Variants in ADAMTSL1 observed in about 807,000 individuals in gnomAD.
ADAMTSL1 encodes the protein ADAMTS-like protein 1.
A neutral mutation model predicts 201.8 loss-of-function variants in ADAMTSL1; 126 were observed. The observed-to-expected ratio is 0.62, with a 90% CI of 0.54 to 0.72. ADAMTSL1 has a LOEUF of 0.72. Among genes scored for constraint, ADAMTSL1 ranks in the 30% least tolerant of loss-of-function variants. The pLI is 0.00. For synonymous variants in ADAMTSL1, 1,121 were observed against 903.4 expected, an observed-to-expected ratio of 1.24 and a Z score of -4.32; for missense variants, 2,679 against 2,277.8, an observed-to-expected ratio of 1.18 and a Z score of -3.59.
chr9:18,029,906 G>A lies in ADAMTSL1; in HGVS notation c.87+122984G>A, dbSNP rs866880244. Among the ~76,000 whole-genome samples the A allele has an allele frequency of 9.0e-4, 137 of 151,940 alleles. 1 individual carries two copies. Among genetic ancestry groups the A allele is most frequent in the African/African-American group, 3.0e-3 (125 of 41,526 alleles). ...AAAAAGTCAGGAAACAACAGGTGCT[G>A]GAGAGGATGTGGAGAAATAGGAACA... is the stretch of plus-strand genomic sequence containing the variant. On this transcript the variant is annotated intron_variant, in intron 1 of 29. Coordinates refer to the ADAMTSL1 transcript ENST00000680146.
intron 20 of ADAMTSL1, among the ~76,000 whole-genome samples, chr9:18,812,848 T>C (rs569362130): frequency 6.6e-6 from 1 of 152,238 alleles, no homozygotes; most frequent in African/African-American, 2.4e-5. Flanking sequence ...CATTTCTGAG[T>C]TCTCTATTCT....
At position 18,648,086 on chromosome 9, in the gene ADAMTSL1, A is replaced by G. The variant is rs1169495630; in HGVS notation, c.834+8675A>G. 2.6e-3 allele frequency among the ~76,000 whole-genome samples: 385 copies of G among 145,332 alleles called. 1 individual carries two copies. The highest frequency in any genetic ancestry group is 9.3e-3 in the African/African-American group (366 of 39,210). On this transcript the variant is annotated intron_variant, in intron 7 of 28. Coordinates refer to ENST00000380548, the MANE Select transcript of ADAMTSL1 (RefSeq NM_001040272.6). The stretch of plus-strand genomic sequence containing the variant: ...CTGGGTGCTCCTGTATTGGGTGCAT[A>G]TATATTTAGGATAGTTAGCTCTTCT...
In ADAMTSL1 at chr9:18,777,829, G is replaced by T; in HGVS notation, c.3600G>T (p.Leu1200=). Residue 1200 remains leucine (L), a synonymous_variant, in exon 19 of 29, where the codon CTG becomes CTT. Transcript: ENST00000380548. ...CCAGCGGGACACTGAGTGTTCTTCT[G>T]CACTGTGAGGCCATCGGCCACCCAA... is the stretch of plus-strand genomic sequence containing the variant. The part of the protein sequence containing the change: ...ALASGTLSVL[L]HCEAIGHPRP... 1 of 1,608,068 alleles carries T rather than the reference G, an allele frequency of 6.2e-7. No individual in the cohort carries two copies. The highest frequency in any genetic ancestry group is 8.5e-7 in the Non-Finnish European group (1 of 1,175,410).
At chr9:18,756,115 A>G (rs7860706) in intron 16 of ADAMTSL1, among the ~76,000 whole-genome samples, 8,598 of 93,624 alleles carry the variant, frequency 0.092, 1,387 homozygotes, top group African/African-American at 0.29. Context: ...ATATATATAT[A>G]TATATATACA....
intron 2 of ADAMTSL1, among the ~76,000 whole-genome samples, chr9:18,232,517 G>T (rs770787261): frequency 6.6e-6 from 1 of 151,318 alleles, no homozygotes; most frequent in East Asian, 1.9e-4. Flanking sequence ...CCTTTTTTTC[G>T]CTGATGTGTT....
In ADAMTSL1 at chr9:17,976,516, A is replaced by AT. The variant is rs202243100; in HGVS notation, c.87+69603dup. Among the ~76,000 whole-genome samples the AT allele has an allele frequency of 2.3e-3, 354 of 151,268 alleles. 8 individuals carry two copies. The highest frequency in any genetic ancestry group is 0.01 in the East Asian group (53 of 5,138). On this transcript the variant is annotated intron_variant, in intron 1 of 29. Coordinates refer to the ADAMTSL1 transcript ENST00000680146. Reference sequence around the variant, plus strand: ...TACATGGGATTGTTTTCTCAAAACAATTTTTTTTTATTCTCGGAGAATTGG... The same window carrying AT: ...TACATGGGATTGTTTTCTCAAAACAATTTTTTTTTTATTCTCGGAGAATTGG...
At chr9:18,456,427 T>C (rs1005436220) in intron 2 of ADAMTSL1, among the ~76,000 whole-genome samples, 12 of 152,236 alleles carry the variant, frequency 7.9e-5, no homozygotes, top group Non-Finnish European at 1.8e-4. Flanking sequence ...AGATTTTCCT[T>C]TTGGAATATA....
At chr9:17,947,530 C>T (rs940881571) in intron 1 of ADAMTSL1, among the ~76,000 whole-genome samples, 4 of 152,040 alleles carry the variant, frequency 2.6e-5, no homozygotes, top group Admixed American at 1.3e-4. Flanking sequence ...AAAACAAATA[C>T]ATTTATTTTC....
At chr9:18,003,803 T>C (rs1480844260) in intron 1 of ADAMTSL1, among the ~76,000 whole-genome samples, 1 of 152,050 alleles carries the variant, frequency 6.6e-6, no homozygotes, top group Non-Finnish European at 1.5e-5. Context: ...AGTCCAGCCT[T>C]ACCATATGAA....
intron 2 of ADAMTSL1, among the ~76,000 whole-genome samples, chr9:18,197,727 G>A (rs1344462346): frequency 2.6e-5 from 4 of 151,560 alleles, no homozygotes; most frequent in Admixed American, 6.6e-5. Context: ...TTGAATAGGA[G>A]TGGTGAGAGA....
At chr9:18,417,359 G>A in intron 2 of ADAMTSL1, among the ~76,000 whole-genome samples, 1 of 82,662 alleles carries the variant, frequency 1.2e-5, no homozygotes, top group African/African-American at 4.6e-5. Flanking sequence ...GAGAACTAAA[G>A]TAAGCAGGAA....
At chr9:18,174,263 C>T (rs546256996) in intron 2 of ADAMTSL1, among the ~76,000 whole-genome samples, 8 of 152,198 alleles carry the variant, frequency 5.3e-5, no homozygotes, top group Non-Finnish European at 7.4e-5. Context: ...GCTATCAACC[C>T]GTGCGTTGAG....
At chr9:18,543,361 C>G (rs34587944) in intron 3 of ADAMTSL1, among the ~76,000 whole-genome samples, 36,215 of 151,032 alleles carry the variant, frequency 0.24, 5,000 homozygotes, top group Admixed American at 0.34. Context: ...TTTTTTAATG[C>G]TAAAATTAGA....
intron 2 of ADAMTSL1, among the ~76,000 whole-genome samples, chr9:18,277,499 G>A (rs981737025): frequency 6.6e-6 from 1 of 152,126 alleles, no homozygotes; most frequent in Non-Finnish European, 1.5e-5. Flanking sequence ...TTGTCTTGAT[G>A]AGTTGACTTC....
chr9:18,691,425 T>C (rs1036956702), intron 13 of ADAMTSL1, among the ~76,000 whole-genome samples: 2 of 152,200 alleles, frequency 1.3e-5, no homozygotes, highest in Non-Finnish European at 2.9e-5. Flanking sequence ...AGATATGATC[T>C]TTTTACATAG....
chr9:18,247,068 T>C (rs1831280101), intron 2 of ADAMTSL1, among the ~76,000 whole-genome samples: 1 of 152,130 alleles, frequency 6.6e-6, no homozygotes, highest in African/African-American at 2.4e-5. Context: ...TAGATTTTAT[T>C]AGATTTAGAT....
intron 1 of ADAMTSL1, among the ~76,000 whole-genome samples, chr9:18,108,719 A>G (rs765974082): frequency 2.0e-4 from 30 of 152,138 alleles, no homozygotes; most frequent in African/African-American, 5.5e-4. Flanking sequence ...AAATTAGTCA[A>G]TGTGATGAGT....
chr9:18,317,827 A>G (rs1834464682), intron 2 of ADAMTSL1, among the ~76,000 whole-genome samples: 1 of 152,218 alleles, frequency 6.6e-6, no homozygotes, highest in African/African-American at 2.4e-5. Context: ...CCTGTTAGAA[A>G]GTAAACTTCC....
intron 1 of ADAMTSL1, among the ~76,000 whole-genome samples, chr9:18,143,139 T>C (rs1826474295): frequency 6.6e-6 from 1 of 152,150 alleles, no homozygotes; most frequent in Non-Finnish European, 1.5e-5. Flanking sequence ...TCAGAAGGCT[T>C]AACCACCTTC....
Sources: gnomAD v4.1 joint callset for allele counts (sites outside exome capture counted in the v4.1 genomes callset) on GRCh38, gnomAD v4.1.1 for gene constraint, MANE v1.5 for transcripts, NCBI Gene and HGNC (gene_info 2026-07-23, HGNC 2026-07-21) for gene names.